Variants in RBM25 observed in about 807,000 individuals in gnomAD.
RBM25 encodes the protein RNA binding motif protein 25.
Under a neutral mutation model 120.7 loss-of-function variants are expected in RBM25, and 19 were observed. The observed-to-expected ratio is 0.16, with a 90% CI of 0.11 to 0.23. The LOEUF is 0.23. Among genes scored for constraint, RBM25 ranks in the 10% least tolerant of loss-of-function variants. The pLI is 1.00. For missense variants in RBM25, 605 were observed against 1,041.5 expected, an observed-to-expected ratio of 0.58 and a Z score of 5.77; for synonymous variants, 390 against 326.7, an observed-to-expected ratio of 1.19 and a Z score of -2.09.
chr14:73,097,196 CTTTT>C (rs11390922), intron 7 of RBM25, 96 bp downstream of exon 7: 299 of 139,814 alleles, frequency 2.1e-3, no homozygotes, highest in Middle Eastern at 2.8e-3. Context: ...TTTTTCTTTT[CTTTT>C]TTTTTTTTTT....
chr14:73,058,847 G>C (rs919998844), intron 1 of RBM25, 142 bp downstream of exon 1: 2 of 150,378 alleles, frequency 1.3e-5, no homozygotes, highest in Non-Finnish European at 3.0e-5. Context: ...TGGGGGAGGG[G>C]TCGGCACGAG....
chr14:73,088,299 T>G, intron 6 of RBM25, 138 bp downstream of exon 6: 1 of 1,122,380 alleles, frequency 8.9e-7, no homozygotes, highest in East Asian at 2.5e-5. Context: ...GGAGGGTATT[T>G]TATAGTTTGT....
chr14:73,060,529 A>G (rs1471002761), intron 1 of RBM25, among the ~76,000 whole-genome samples: 1 of 151,470 alleles, frequency 6.6e-6, no homozygotes, highest in Non-Finnish European at 1.5e-5. Context: ...TCATTTATCA[A>G]TCTTAACATC....
intron 6 of RBM25, among the ~76,000 whole-genome samples, chr14:73,093,028 C>T (rs1402240122): frequency 6.6e-6 from 1 of 152,082 alleles, no homozygotes; most frequent in Non-Finnish European, 1.5e-5. Context: ...GTGAGGTGGC[C>T]ATGCTAATTT....
intron 1 of RBM25, chr14:73,069,746 T>TAAAAAAAAAAAAAAAAAAAAAAAA (rs57669015): frequency 6.8e-5 from 3 of 44,160 alleles, no homozygotes; most frequent in South Asian, 1.2e-3. Flanking sequence ...CCCTGTTTCT[T>TAAAAAAAAAAAAAAAAAAAAAAAA]AAAAAAAAAA....
chr14:73,103,511 A>C (rs766495139), intron 10 of RBM25, 33 bp downstream of exon 10: 1 of 1,535,090 alleles, frequency 6.5e-7, no homozygotes, highest in Non-Finnish European at 8.7e-7. Flanking sequence ...GTTTCCTGAT[A>C]GCTTTAAGAA....
intron 5 of RBM25, among the ~76,000 whole-genome samples, chr14:73,085,601 T>C (rs1046037000): frequency 2.0e-5 from 3 of 151,966 alleles, no homozygotes; most frequent in Non-Finnish European, 4.4e-5. Context: ...CCCACCACCA[T>C]GCCTGGCTAA....
At chr14:73,085,726 C>G (rs1334569198) in intron 5 of RBM25, among the ~76,000 whole-genome samples, 1 of 152,140 alleles carries the variant, frequency 6.6e-6, no homozygotes, top group African/African-American at 2.4e-5. Context: ...GGATTACAGG[C>G]TTGAGCCACC....
Position 73,115,276 on chromosome 14 carries a change from G to A in RBM25, c.2439+943G>A, listed in dbSNP as rs576850944. Among the ~76,000 whole-genome samples, 4 of 152,144 alleles carry A rather than the reference G, an allele frequency of 2.6e-5. No homozygotes were observed. The East Asian group carries it at 7.7e-4, about 29-fold the overall frequency. The stretch of plus-strand genomic sequence containing the variant: ...GAACAGATTATTTCATCACCCAGGT[G>A]TTAAGCCTAGTACTCATTAGTTATT... On this transcript the variant is annotated intron_variant, in intron 18 of 18. Transcript: ENST00000261973.
chr14:73,114,728 T>C (rs993366348), intron 18 of RBM25, among the ~76,000 whole-genome samples: 1 of 152,244 alleles, frequency 6.6e-6, no homozygotes, highest in Admixed American at 6.5e-5. Flanking sequence ...ACCCCGTCTC[T>C]ATGAAAAATA....
intron 2 of RBM25, among the ~76,000 whole-genome samples, chr14:73,075,191 T>C (rs1895387460): frequency 6.6e-6 from 1 of 151,872 alleles, no homozygotes; most frequent in African/African-American, 2.4e-5. Flanking sequence ...TACAGAGTCT[T>C]GCACCTGTCC....
chr14:73,070,648 G>A (rs965138191), intron 1 of RBM25, among the ~76,000 whole-genome samples: 1 of 151,934 alleles, frequency 6.6e-6, no homozygotes, highest in Non-Finnish European at 1.5e-5. Context: ...TTAGGATTCT[G>A]ATAGATATAA....
At position 73,123,020 on chromosome 14, in the gene RBM25, A is replaced by G. The variant is rs1896563228; in HGVS notation, c.*3215A>G. The stretch of plus-strand genomic sequence containing the variant: ...GTAATCTTGCAAAATTATGTCTGAG[A>G]AAGCCCTAATATTCTAGGCTTTTTT... On this transcript the variant is annotated 3_prime_UTR_variant, in exon 19 of 19. Coordinates refer to ENST00000261973, the MANE Select transcript of RBM25 (RefSeq NM_021239.3). 1 of 152,186 alleles carries G rather than the reference A, an allele frequency of 6.6e-6. No homozygotes were observed. The highest frequency in any genetic ancestry group is 2.1e-4 in the South Asian group (1 of 4,832). The allele number at this position is 152,186 out of a possible 1,614,324, so 9.4% of individuals were successfully genotyped here. A position where few individuals can be genotyped will look rare whatever the true frequency, so the allele number is the denominator to read the frequency against.
chr14:73,071,006 C>T (rs570541301), intron 1 of RBM25, among the ~76,000 whole-genome samples: 1 of 146,710 alleles, frequency 6.8e-6, no homozygotes, highest in East Asian at 2.0e-4. Flanking sequence ...CTTTGGGAGG[C>T]CGAGGAGGGT....
At chr14:73,096,659 T>C (rs1895948075) in intron 6 of RBM25, among the ~76,000 whole-genome samples, 3 of 152,210 alleles carry the variant, frequency 2.0e-5, no homozygotes, top group African/African-American at 7.2e-5. Context: ...TGTCGTATAG[T>C]GTGCTAGTCC....
In RBM25 at chr14:73,110,867, A is replaced by G. The variant is rs769168006; in HGVS notation, c.1729A>G (p.Ile577Val). 5 of 1,612,024 alleles carry G rather than the reference A, an allele frequency of 3.1e-6. No homozygotes were observed. Among genetic ancestry groups the G allele is most frequent in the Middle Eastern group, 1.7e-4 (1 of 6,056 alleles). ...QEAERRRQPQ[I>V]KQEPESEEEE... ...GGCTGAGAGGCGCAGGCAGCCACAAATAAAGCAAGAGCCAGAATCAGAAGA... is the reference window on the plus strand; with the variant it reads ...GGCTGAGAGGCGCAGGCAGCCACAAGTAAAGCAAGAGCCAGAATCAGAAGA... The change falls in exon 15 of 19, where the codon ATA (isoleucine) becomes GTA (valine). Residue 577 changes from isoleucine (I) to valine (V), a missense_variant. Around this residue, in one of 4 missense-constraint regions of RBM25, gnomAD observed 465 missense variants for 741.6 expected, o/e 0.63. Transcript: ENST00000261973.
At chr14:73,103,938 TCTCTCTCTCTCACACACACACA>T (rs1182147516) in intron 10 of RBM25, among the ~76,000 whole-genome samples, 133 of 53,784 alleles carry the variant, frequency 2.5e-3, no homozygotes, top group South Asian at 0.012. Context: ...TCTCTCTCTC[TCTCTCTCTCTCACACACACACA>T]CACACACACA....
intron 3 of RBM25, 110 bp downstream of exon 3, chr14:73,076,478 A>G: frequency 1.1e-6 from 1 of 931,512 alleles, no homozygotes; most frequent in Non-Finnish European, 1.7e-6. Context: ...AATAACAAGG[A>G]CAGAATGACA....
Position 73,111,568 on chromosome 14 carries a change from A to G in RBM25, c.2058A>G (p.Arg686=). The change falls in exon 16 of 19, where the codon AGA becomes AGG. Residue 686 remains arginine (R), a synonymous_variant. Transcript: ENST00000261973. ...NSPGQPNSVK[R]KKLPVDSVFN... The stretch of plus-strand genomic sequence containing the variant: ...CTGGTCAGCCTAATTCTGTGAAGAG[A>G]AAGAAACTACCTGTAGATAGTGTCT... The G allele has an allele frequency of 1.2e-6, 2 of 1,612,630 alleles. No homozygotes were observed. Among genetic ancestry groups the G allele is most frequent in the South Asian group, 2.2e-5 (2 of 90,736 alleles).
Sources: gnomAD v4.1 joint callset for allele counts (sites outside exome capture counted in the v4.1 genomes callset) on GRCh38, gnomAD v4.1.1 for gene constraint, gnomAD v4.1.1 regional missense constraint, MANE v1.5 for transcripts, NCBI Gene and HGNC (gene_info 2026-07-23, HGNC 2026-07-21) for gene names.